The following DOCK6 variants were observed in gnomAD, a reference collection of about 807,000 sequenced individuals.
DOCK6 encodes the protein dedicator of cytokinesis protein 6.
DOCK6 carries 167 observed loss-of-function variants against 230.3 expected under a neutral mutation model. The observed-to-expected ratio is 0.73, with a 90% CI of 0.64 to 0.82. The LOEUF (loss-of-function observed/expected upper bound fraction) is 0.82, where lower values mean the gene tolerates loss of function less well. DOCK6 is among the 40% of genes least tolerant of loss of function. The pLI, the probability that DOCK6 is intolerant of heterozygous loss-of-function variation, is 0.00. For missense variants in DOCK6, 2,598 were observed against 2,825.8 expected (o/e 0.92, Z 1.83); for synonymous variants, 1,148 against 1,185.0 (o/e 0.97, Z 0.64).
At chr19:11,204,757 G>C (rs1456061917) in intron 39 of DOCK6, among the ~76,000 whole-genome samples, 1 of 151,944 alleles carries the variant, frequency 6.6e-6, no homozygotes, top group Admixed American at 6.6e-5. Flanking sequence ...GCCCTAGTTG[G>C]TCTTGAACTC....
At chr19:11,224,197 T>TCTTG (rs1228055914) in intron 24 of DOCK6, among the ~76,000 whole-genome samples, 3 of 150,210 alleles carry the variant, frequency 2.0e-5, no homozygotes, top group African/African-American at 7.4e-5. Flanking sequence ...TACTTTTCTT[T>TCTTG]CTTTCTTTCT....
intron 16 of DOCK6, 66 bp downstream of exon 16, chr19:11,237,979 A>G: frequency 6.5e-7 from 1 of 1,544,214 alleles, no homozygotes; most frequent in South Asian, 1.1e-5. Flanking sequence ...CCTTATGTGT[A>G]TATATAAGGG....
chr19:11,237,894 C>T, intron 16 of DOCK6, 115 bp from the exon 17 acceptor site: 1 of 1,399,248 alleles, frequency 7.1e-7, no homozygotes, highest in Non-Finnish European at 9.8e-7. Context: ...CTGCTGTCTG[C>T]CTCAGCTTCC....
chr19:11,213,180 C>A lies in DOCK6; in HGVS notation c.4487G>T (p.Gly1496Val). Residue 1496 changes from glycine to valine, a missense_variant, in exon 35 of 48, where the codon GGC (glycine) becomes GTC (valine). Transcript: ENST00000294618. Reference protein sequence around the residue: ...YLLMRQNFEIGHNFARVKMQV... With the variant: ...YLLMRQNFEIVHNFARVKMQV... ...TGCCTCCTAGCCCCCACTCACGTGGCCGATCTCGAAGTTCTGTCGCATGAG... is the reference window on the plus strand; with the variant it reads ...TGCCTCCTAGCCCCCACTCACGTGGACGATCTCGAAGTTCTGTCGCATGAG... The A allele has an allele frequency of 6.2e-7, 1 of 1,611,398 alleles. No homozygotes were observed. Among genetic ancestry groups the A allele is most frequent in the Non-Finnish European group, 8.5e-7 (1 of 1,178,556 alleles).
At position 11,252,246 on chromosome 19, in the gene DOCK6, T is replaced by G. The variant is rs755436168; in HGVS notation, c.380A>C (p.Tyr127Ser). 1.9e-6 allele frequency: 3 copies of G among 1,582,894 alleles called. No individual in the cohort carries two copies. Among genetic ancestry groups the G allele is most frequent in the African/African-American group, 1.3e-5 (1 of 74,368 alleles). ...GCTGTATGCTGCACTCAGGTACTGA[T>G]ACCTAGCAGGAAACGGGGCTGGGCA... ...IEDWVIVHRR[Y>S]QYLSAAYSPV... Residue 127 changes from tyrosine (Y) to serine (S), a missense_variant and splice_region_variant, in exon 5 of 48, where the codon TAT becomes TCT. By Grantham distance (144) the Tyr-to-Ser change is moderately radical. Coordinates refer to ENST00000294618, the MANE Select transcript of DOCK6 (RefSeq NM_020812.4).
chr19:11,199,315 A>T lies in DOCK6; in HGVS notation c.*182T>A. On this transcript the variant is annotated 3_prime_UTR_variant, in exon 48 of 48. Coordinates refer to ENST00000294618, the MANE Select transcript of DOCK6 (RefSeq NM_020812.4). ...ACAGGTTGCTTATAAAAACCATTTTAAATTAAAAAAGGGAGGAAGCATCAG... is the reference window on the plus strand; with the variant it reads ...ACAGGTTGCTTATAAAAACCATTTTTAATTAAAAAAGGGAGGAAGCATCAG... 4.1e-6 allele frequency: 3 copies of T among 735,480 alleles called. No individual in the cohort carries two copies. Among genetic ancestry groups the T allele is most frequent in the South Asian group, 1.9e-5 (1 of 54,002 alleles). 45.6% of individuals were successfully genotyped at this position (735,480 alleles called of 1,614,324 possible). A position where few individuals can be genotyped will look rare whatever the true frequency, so the allele number is the denominator to read the frequency against.
chr19:11,203,954 G>A, intron 41 of DOCK6, 127 bp downstream of exon 41: 1 of 1,294,208 alleles, frequency 7.7e-7, no homozygotes, highest in Non-Finnish European at 1.1e-6. Context: ...GTCCCTTGTG[G>A]CCACAGCCCC....
At chr19:11,246,012 C>T in intron 7 of DOCK6, 134 bp from the exon 8 acceptor site, 2 of 990,046 alleles carry the variant, frequency 2.0e-6, no homozygotes, top group Non-Finnish European at 3.0e-6. Flanking sequence ...TAAGGGCTTG[C>T]AGAAAAGGTA....
chr19:11,251,217 AG>A, intron 5 of DOCK6, 131 bp from the exon 6 acceptor site: 1 of 911,532 alleles, frequency 1.1e-6, no homozygotes, highest in East Asian at 2.7e-5. Context: ...CATCACTCTA[AG>A]GGTCACCTGG....
intron 22 of DOCK6, chr19:11,229,498 G>C (rs1435120815): frequency 2.4e-6 from 1 of 424,826 alleles, no homozygotes. Context: ...AAAAGAGGTA[G>C]GTTAGTGTGA....
chr19:11,232,981 C>T (rs774532890), intron 22 of DOCK6, among the ~76,000 whole-genome samples: 27 of 152,066 alleles, frequency 1.8e-4, no homozygotes, highest in Non-Finnish European at 3.1e-4. Context: ...CGCCAAGCTC[C>T]GCCACCCATC....
At chr19:11,256,960 T>A (rs2147890359) in intron 1 of DOCK6, among the ~76,000 whole-genome samples, 1 of 152,138 alleles carries the variant, frequency 6.6e-6, no homozygotes, top group East Asian at 1.9e-4. Flanking sequence ...ATTACAGGCG[T>A]GAGCCACCGA....
Position 11,201,043 on chromosome 19 carries a change from T to C in DOCK6, c.5698A>G (p.Thr1900Ala), listed in dbSNP as rs2079161072. 6.2e-7 allele frequency: 1 copy of C among 1,613,618 alleles called. No individual in the cohort carries two copies. The highest frequency in any genetic ancestry group is 1.3e-5 in the African/African-American group (1 of 74,916). ...TCCTCGATGGCCACCTCCACTGGCG[T>C]CAGCACCGTCTGTGGGGTAAGGGGA... ...RVCHREETVL[T>A]PVEVAIEDMQ... The change falls in exon 45 of 48, where the codon ACG becomes GCG. Residue 1900 changes from threonine to alanine, a missense_variant. Thr to Ala is a moderately conservative substitution (Grantham distance 58). Transcript: ENST00000294618. The surrounding 1 kb of genome is among the most constrained non-coding windows in gnomAD (Gnocchi z 4.3).
In DOCK6 at chr19:11,222,413, C is replaced by A; in HGVS notation, c.3241-165G>T. ...GTGACAGTGGGCATGGGTTTCAAGG[C>A]CAGAAGTGAGGGGCTGACGTTAACC... On this transcript the variant is annotated intron_variant, in intron 26 of 47. Transcript: ENST00000294618. This position sits in a 1 kb window ranked among gnomAD's most constrained non-coding sequence, Gnocchi z 4.0. 9.8e-7 allele frequency: 1 copy of A among 1,017,158 alleles called. No homozygotes were observed. Among genetic ancestry groups the A allele is most frequent in the Non-Finnish European group, 1.4e-6 (1 of 711,062 alleles). 63.0% of individuals were successfully genotyped at this position (1,017,158 alleles called of 1,614,324 possible). A position where few individuals can be genotyped will look rare whatever the true frequency, so the allele number is the denominator to read the frequency against.
chr19:11,261,367 T>C (rs1190678873), intron 1 of DOCK6, among the ~76,000 whole-genome samples: 2 of 138,786 alleles, frequency 1.4e-5, no homozygotes, highest in African/African-American at 2.6e-5. Flanking sequence ...CCCTTCCCTG[T>C]CTTCTTGTCC....
At chr19:11,232,078 A>G in intron 22 of DOCK6, 1 of 750,216 alleles carries the variant, frequency 1.3e-6, no homozygotes, top group Non-Finnish European at 1.9e-6. Flanking sequence ...GGGGTCTGCC[A>G]CCTCCTTCAG....
At chr19:11,237,379 G>C in intron 18 of DOCK6, 77 bp downstream of exon 18, 4 of 1,536,798 alleles carry the variant, frequency 2.6e-6, no homozygotes, top group Non-Finnish European at 3.6e-6. Context: ...TCCCAGGATT[G>C]ACAGGAAGGA....
intron 35 of DOCK6, 41 bp from the exon 36 acceptor site, chr19:11,212,192 G>T: frequency 1.3e-6 from 2 of 1,584,436 alleles, no homozygotes; most frequent in South Asian, 2.3e-5. Context: ...GGGAGTCTCA[G>T]ACCCCAGACC....
rs1447287737 is a variant in DOCK6 at position 11,235,648 on chromosome 19, T to A, written c.2504A>T (p.Tyr835Phe). 1.2e-6 allele frequency: 2 copies of A among 1,603,608 alleles called. No individual in the cohort carries two copies. Among genetic ancestry groups the A allele is most frequent in the Admixed American group, 3.4e-5 (2 of 58,466 alleles). ...ARGHCPQLAA[Y>F]VHYAFRLPGT... The stretch of plus-strand genomic sequence containing the variant: ...AGGAAGGCGAAAGGCGTAGTGGACG[T>A]AGGCAGCCAGCTGTGGGCAGTGACC... Residue 835 changes from tyrosine to phenylalanine, a missense_variant, in exon 21 of 48, where the codon TAC becomes TTC. Tyr to Phe is a conservative substitution (Grantham distance 22). Coordinates refer to ENST00000294618, the MANE Select transcript of DOCK6 (RefSeq NM_020812.4).
Sources: gnomAD v4.1 joint callset for allele counts (sites outside exome capture counted in the v4.1 genomes callset) on GRCh38, gnomAD v4.1.1 for gene constraint, Gnocchi (gnomAD v3.1) non-coding constraint, MANE v1.5 for transcripts, NCBI Gene and HGNC (gene_info 2026-07-23, HGNC 2026-07-21) for gene names.